Variants in SELENBP1 observed in about 807,000 individuals in gnomAD.
SELENBP1 encodes methanethiol oxidase.
SELENBP1 carries 71 observed loss-of-function variants against 61.0 expected under a neutral mutation model. That is an observed-to-expected ratio of 1.16 (90% CI 0.96 to 1.42). SELENBP1 has a LOEUF of 1.42. Ranked by LOEUF, SELENBP1 falls within the 40% of genes most tolerant of loss-of-function variation. The pLI is 0.00. For synonymous variants in SELENBP1, 270 were observed against 238.9 expected (o/e 1.13, Z -1.20); for missense variants, 561 against 605.0 (o/e 0.93, Z 0.76).
rs1425468384 is a variant in SELENBP1 at position 151,365,548 on chromosome 1, T to G, written c.1044+15A>C. 1 of 1,613,792 alleles carries G rather than the reference T, an allele frequency of 6.2e-7. No individual in the cohort carries two copies. Among genetic ancestry groups the G allele is most frequent in the Non-Finnish European group, 8.5e-7 (1 of 1,179,934 alleles). On this transcript the variant is annotated intron_variant, in intron 9 of 11. Transcript: ENST00000368868. Reference sequence around the variant, plus strand: ...TTCCTTCCTTCCCTTCTGCTCCTCCTGCCAGGGTCTCCACCTGTCCTGTGA... The same window carrying G: ...TTCCTTCCTTCCCTTCTGCTCCTCCGGCCAGGGTCTCCACCTGTCCTGTGA...
chr1:151,370,744 C>A (rs1652098990), intron 1 of SELENBP1, among the ~76,000 whole-genome samples: 1 of 152,188 alleles, frequency 6.6e-6, no homozygotes, highest in African/African-American at 2.4e-5. Context: ...CTGAAAGAAA[C>A]CCTGGAGTGG....
Position 151,369,436 on chromosome 1 carries a change from C to T in SELENBP1, c.174+6G>A. 1 of 1,608,664 alleles carries T rather than the reference C, an allele frequency of 6.2e-7. No individual in the cohort carries two copies. The highest frequency in any genetic ancestry group is 8.5e-7 in the Non-Finnish European group (1 of 1,177,552). On this transcript the variant is annotated splice_donor_region_variant and intron_variant, in intron 3 of 11. Coordinates refer to ENST00000368868, the MANE Select transcript of SELENBP1 (RefSeq NM_003944.4). ...CAAAGTAGCTGGCGCCCAAGCCCCGCCTAACCTGGCAATACTGGGGAGACT... is the reference window on the plus strand; with the variant it reads ...CAAAGTAGCTGGCGCCCAAGCCCCGTCTAACCTGGCAATACTGGGGAGACT...
intron 3 of SELENBP1, 67 bp from the exon 4 acceptor site, chr1:151,369,256 T>C (rs1652025543): frequency 1.4e-6 from 2 of 1,419,592 alleles, no homozygotes; most frequent in Non-Finnish European, 1.9e-6. Flanking sequence ...AGAGGCGCCC[T>C]GTGGACTCAT....
At position 151,366,263 on chromosome 1, in the gene SELENBP1, G is replaced by C. The variant is rs1476249788; in HGVS notation, c.843+12C>G. 3.1e-6 allele frequency: 5 copies of C among 1,609,814 alleles called. No individual in the cohort carries two copies. The highest frequency in any genetic ancestry group is 4.2e-6 in the Non-Finnish European group (5 of 1,177,632). ...GACTACTGGGAGGGGAGGGCCAGAGGGCGTATGTCACCTCGTTCTTGTAGA... is the reference window on the plus strand; with the variant it reads ...GACTACTGGGAGGGGAGGGCCAGAGCGCGTATGTCACCTCGTTCTTGTAGA... On this transcript the variant is annotated intron_variant, in intron 7 of 11. Transcript: ENST00000368868.
At chr1:151,370,651 A>G (rs1652093851) in intron 1 of SELENBP1, among the ~76,000 whole-genome samples, 1 of 152,222 alleles carries the variant, frequency 6.6e-6, no homozygotes, top group Non-Finnish European at 1.5e-5. Context: ...GGGCTGGGAC[A>G]TCACAGCTAC....
At chr1:151,365,498 A>C (rs1571279216) in intron 9 of SELENBP1, 65 bp downstream of exon 9, 1 of 1,605,882 alleles carries the variant, frequency 6.2e-7, no homozygotes, top group Non-Finnish European at 8.5e-7. Flanking sequence ...CAGATCATCC[A>C]CCCCATCCCC....
In SELENBP1 at chr1:151,369,151, C is replaced by T. The variant is rs945976774; in HGVS notation, c.213G>A (p.Glu71=). ...HRLPMPNLKD[E]LHHSGWNTCS... ...AGGTGTTCCATCCTGAGTGATGCAG[C>T]TCGTCCTTCAGGTTGGGCATGGGCA... is the stretch of plus-strand genomic sequence containing the variant. The change falls in exon 4 of 12, where the codon GAG becomes GAA. Residue 71 remains glutamate, a synonymous_variant. Transcript: ENST00000368868. The T allele has an allele frequency of 1.9e-6, 3 of 1,613,222 alleles. No homozygotes were observed. The African/African-American group carries it at 4.0e-5, about 22-fold the overall frequency.
At chr1:151,367,085 G>A in intron 5 of SELENBP1, 181 bp from the exon 6 acceptor site, 2 of 1,405,946 alleles carry the variant, frequency 1.4e-6, no homozygotes, top group South Asian at 3.3e-5. Flanking sequence ...GCTCATGCCA[G>A]TAATCCCAGC....
At chr1:151,364,761 C>G in intron 11 of SELENBP1, 56 bp from the exon 12 acceptor site, 1 of 1,534,228 alleles carries the variant, frequency 6.5e-7, no homozygotes, top group Non-Finnish European at 8.8e-7. Flanking sequence ...CCCCCTTCCC[C>G]TAAGATTTTA....
Position 151,365,357 on chromosome 1 carries a change from G to T in SELENBP1, c.1045-76C>A, listed in dbSNP as rs185714774. ...CATTGCAGGAAGAGCAGCTTGCCTG[G>T]CTGGAACCCCTCTCTCCTTTCAGAC... is the stretch of plus-strand genomic sequence containing the variant. On this transcript the variant is annotated intron_variant, in intron 9 of 11. Coordinates refer to ENST00000368868, the MANE Select transcript of SELENBP1 (RefSeq NM_003944.4). 6.6e-6 allele frequency: 10 copies of T among 1,508,060 alleles called. No individual in the cohort carries two copies. In the East Asian group the frequency reaches 2.0e-4, roughly 31 times the overall value. The allele number at this position is 1,508,060 out of a possible 1,614,324, so 93.4% of individuals were successfully genotyped here. A position where few individuals can be genotyped will look rare whatever the true frequency, so the allele number is the denominator to read the frequency against.
chr1:151,369,827 C>G (rs535357424), intron 1 of SELENBP1, 58 bp from the exon 2 acceptor site: 1 of 1,551,698 alleles, frequency 6.4e-7, no homozygotes, highest in Non-Finnish European at 8.7e-7. Flanking sequence ...AAGGCTCCCT[C>G]CGCACGTTCT....
At position 151,365,823 on chromosome 1, in the gene SELENBP1, C is replaced by T; in HGVS notation, c.867G>A (p.Lys289=). Residue 289 remains lysine, a synonymous_variant, in exon 8 of 12, where the codon AAG becomes AAA. Coordinates refer to ENST00000368868, the MANE Select transcript of SELENBP1 (RefSeq NM_003944.4). ...CTTTCTTGGGGGGCACCTGGATCACCTTCTCCACTGACCATGTACCTCCCT... is the reference window on the plus strand; with the variant it reads ...CTTTCTTGGGGGGCACCTGGATCACTTTCTCCACTGACCATGTACCTCCCT... The part of the protein sequence containing the change: ...KNEGGTWSVE[K]VIQVPPKKVK... 6.2e-7 allele frequency: 1 copy of T among 1,614,182 alleles called. No individual in the cohort carries two copies. Among genetic ancestry groups the T allele is most frequent in the Non-Finnish European group, 8.5e-7 (1 of 1,180,018 alleles).
chr1:151,366,934 T>C, intron 5 of SELENBP1, 30 bp from the exon 6 acceptor site: 1 of 1,607,004 alleles, frequency 6.2e-7, no homozygotes, highest in South Asian at 1.1e-5. Context: ...GGGTGGCAGG[T>C]AGAAGCAGTA....
chr1:151,365,693 A>G lies in SELENBP1; in HGVS notation c.923-9T>C. The G allele has an allele frequency of 6.2e-7, 1 of 1,614,142 alleles. No homozygotes were observed. Among genetic ancestry groups the G allele is most frequent in the Non-Finnish European group, 8.5e-7 (1 of 1,180,022 alleles). On this transcript the variant is annotated splice_polypyrimidine_tract_variant and intron_variant, in intron 8 of 11. Coordinates refer to ENST00000368868, the MANE Select transcript of SELENBP1 (RefSeq NM_003944.4). ...GATGTCGGTGATCAGGCCTGTGGGCAGGGGGCGAGTAGAGCCTTTAAGGAC... is the reference window on the plus strand; with the variant it reads ...GATGTCGGTGATCAGGCCTGTGGGCGGGGGGCGAGTAGAGCCTTTAAGGAC...
chr1:151,366,086 A>G (rs1249089931), intron 7 of SELENBP1, 189 bp downstream of exon 7: 1 of 792,238 alleles, frequency 1.3e-6, no homozygotes, highest in African/African-American at 1.7e-5. Flanking sequence ...GTAGTTTTTG[A>G]ATGAATGGAT....
chr1:151,368,942 T>C, intron 4 of SELENBP1, 62 bp downstream of exon 4: 1 of 1,527,446 alleles, frequency 6.5e-7, no homozygotes. Flanking sequence ...TTCCTGCCCG[T>C]AGACTACCTG....
chr1:151,364,620 T>G lies in SELENBP1; in HGVS notation c.1342A>C (p.Lys448Gln). ...GCAAGGGCTGGGCCAAGGGGCTCCT[T>G]CCCGAAGTCCACCAGGAAGTTGGGG... ...LNPNFLVDFG[K>Q]EPLGPALAHE... Residue 448 changes from lysine to glutamine, a missense_variant, in exon 12 of 12, where the codon AAG becomes CAG. By Grantham distance (53) the Lys-to-Gln change is moderately conservative (BLOSUM62 1). Coordinates refer to ENST00000368868, the MANE Select transcript of SELENBP1 (RefSeq NM_003944.4). 1.9e-6 allele frequency: 3 copies of G among 1,613,698 alleles called. No homozygotes were observed. The highest frequency in any genetic ancestry group is 2.5e-6 in the Non-Finnish European group (3 of 1,179,794).
rs763454190 is a variant in SELENBP1 at position 151,368,280 on chromosome 1, C to T, written c.400G>A (p.Ala134Thr). The change falls in exon 5 of 12, where the codon GCC (alanine) becomes ACC (threonine). Residue 134 changes from alanine (A) to threonine (T), a missense_variant. Ala to Thr is a moderately conservative substitution (Grantham distance 58). Transcript: ENST00000368868. ...AGGCAGTGGCTGGTGTGGAGAAAGG[C>T]CAGTTCGCACTTGGCATGGATGTCC... is the stretch of plus-strand genomic sequence containing the variant. ...PKDIHAKCEL[A>T]FLHTSHCLAS... 2 of 1,614,180 alleles carry T rather than the reference C, an allele frequency of 1.2e-6. No individual in the cohort carries two copies. The highest frequency in any genetic ancestry group is 1.7e-6 in the Non-Finnish European group (2 of 1,180,040).
rs767636146 is a variant in SELENBP1 at position 151,366,873 on chromosome 1, G to T, written c.513C>A (p.Phe171Leu). 1.9e-6 allele frequency: 3 copies of T among 1,613,924 alleles called. No individual in the cohort carries two copies. The highest frequency in any genetic ancestry group is 1.7e-6 in the Non-Finnish European group (2 of 1,180,004). Residue 171 changes from phenylalanine (F) to leucine (L), a missense_variant, in exon 6 of 12, where the codon TTC becomes TTA. Phe to Leu is a conservative substitution (Grantham distance 22). Transcript: ENST00000368868. ...GGFVLLDGET[F>L]EVKGTWERPG... ...GTCTCTCCCATGTCCCCTTCACCTC[G>T]AACGTCTCCCCATCCAGCAGCACAA...
Sources: allele counts gnomAD v4.1 joint callset (sites outside exome capture counted in the v4.1 genomes callset), GRCh38; gene constraint gnomAD v4.1.1; transcripts MANE v1.5; gene names NCBI Gene and HGNC (gene_info 2026-07-23, HGNC 2026-07-21).